BRD7: variants seen among roughly 807,000 people sequenced by gnomAD.
The protein encoded by BRD7 is bromodomain-containing protein 7.
A neutral mutation model predicts 82.1 loss-of-function variants in BRD7; 15 were observed. The observed-to-expected ratio is 0.18, with a 90% CI of 0.12 to 0.28. The LOEUF (loss-of-function observed/expected upper bound fraction) is 0.28. Ranked by LOEUF, BRD7 falls within the 10% of genes least tolerant of loss-of-function variation. The probability of loss-of-function intolerance (pLI) is 1.00; values close to 1 mark genes in which losing one functional copy is unlikely to be tolerated. For synonymous variants in BRD7, 232 were observed against 266.9 expected (o/e 0.87, Z 1.27); for missense variants, 638 against 779.9 (o/e 0.82, Z 2.17).
rs1341343168 is a variant in BRD7 at position 50,330,336 on chromosome 16, ACTTTT to A, written c.1012-1597_1012-1593del. ...AAACAAGTTAAGTTGAAAAGAGGAC[ACTTTT>A]TTTTTTTTTTTTTTTTTGAGACAGA... is the stretch of plus-strand genomic sequence containing the variant. On this transcript the variant is annotated intron_variant, in intron 8 of 16. Coordinates refer to ENST00000394688, the MANE Select transcript of BRD7 (RefSeq NM_013263.5). Among the ~76,000 whole-genome samples, 91 of 139,758 alleles carry A rather than the reference ACTTTT, an allele frequency of 6.5e-4. 3 individuals carry two copies. The highest frequency in any genetic ancestry group is 9.3e-4 in the Admixed American group (13 of 14,004). 91.7% of individuals were successfully genotyped at this position (139,758 alleles called of 152,430 possible).
intron 2 of BRD7, among the ~76,000 whole-genome samples, chr16:50,364,879 GT>G (rs950079831): frequency 2.6e-5 from 4 of 152,204 alleles, no homozygotes; most frequent in Non-Finnish European, 5.9e-5. Context: ...GATTATGGTG[GT>G]AACTGCCAGA....
intron 5 of BRD7, among the ~76,000 whole-genome samples, chr16:50,342,548 G>A (rs902493147): frequency 2.1e-5 from 3 of 141,476 alleles, no homozygotes; most frequent in African/African-American, 5.2e-5. Context: ...AGCCTCCCGA[G>A]TAGCTGGGAC....
chr16:50,355,319 G>T (rs567345634), intron 2 of BRD7, among the ~76,000 whole-genome samples: 6 of 152,114 alleles, frequency 3.9e-5, no homozygotes, highest in Non-Finnish European at 7.4e-5. Flanking sequence ...CAATACATTC[G>T]ATGTAATGCC....
intron 5 of BRD7, among the ~76,000 whole-genome samples, chr16:50,348,580 C>T (rs113306885): frequency 3.0e-4 from 46 of 152,254 alleles, no homozygotes; most frequent in African/African-American, 7.5e-4. Context: ...AATCAAACAA[C>T]CCCATCAAAA....
At chr16:50,357,980 AAAAACAAAACAAATC>A (rs1211169414) in intron 2 of BRD7, among the ~76,000 whole-genome samples, 2 of 152,140 alleles carry the variant, frequency 1.3e-5, no homozygotes, top group Non-Finnish European at 2.9e-5. Context: ...ACTCTGTCTC[AAAAACAAAACAAATC>A]AAAACAAAAC....
intron 5 of BRD7, among the ~76,000 whole-genome samples, chr16:50,348,099 T>C (rs2038364086): frequency 6.6e-6 from 1 of 152,038 alleles, no homozygotes; most frequent in Non-Finnish European, 1.5e-5. Flanking sequence ...CACTCAGAAA[T>C]AATAACACAC....
chr16:50,335,240 CAG>C (rs2037749367), intron 6 of BRD7, among the ~76,000 whole-genome samples: 1 of 152,192 alleles, frequency 6.6e-6, no homozygotes, highest in South Asian at 2.1e-4. Context: ...TTGTGTTTAA[CAG>C]ACAGGCTTAT....
rs2036844239 is a variant in BRD7 at position 50,317,255 on chromosome 16, T to C, written c.*1956A>G. The C allele has an allele frequency of 6.5e-6, 1 of 152,774 alleles. No individual in the cohort carries two copies. 9.5% of individuals were successfully genotyped at this position (152,774 alleles called of 1,614,324 possible). Reference sequence around the variant, plus strand: ...GTATAAAGGAATTTCATGGCAACAATGCTGGTAAGGGCAATTAGCCTCGCT... The same window carrying C: ...GTATAAAGGAATTTCATGGCAACAACGCTGGTAAGGGCAATTAGCCTCGCT... On this transcript the variant is annotated 3_prime_UTR_variant, in exon 17 of 17. Coordinates refer to ENST00000394688, the MANE Select transcript of BRD7 (RefSeq NM_013263.5).
intron 12 of BRD7, among the ~76,000 whole-genome samples, chr16:50,322,528 A>T (rs1217513596): frequency 6.6e-6 from 1 of 152,218 alleles, no homozygotes; most frequent in Non-Finnish European, 1.5e-5. Flanking sequence ...CATGGACATC[A>T]ATCAATGATG....
rs746798706 is a variant in BRD7, at chr16:50,326,347, G to A, written c.1132C>T (p.Leu378Phe). 3.1e-6 allele frequency: 5 copies of A among 1,602,364 alleles called. No homozygotes were observed. The East Asian group carries it at 1.1e-4, about 36-fold the overall frequency. Residue 378 changes from leucine to phenylalanine, a missense_variant, in exon 10 of 17, where the codon CTT becomes TTT. Physicochemically the swap from Leu to Phe is conservative, Grantham distance 22. Around this residue, in one of 3 missense-constraint regions of BRD7, gnomAD observed 402 missense variants for 500.8 expected, o/e 0.80. Coordinates refer to ENST00000394688, the MANE Select transcript of BRD7 (RefSeq NM_013263.5). The part of the protein sequence containing the change: ...PVRLGMTTGR[L>F]QSGVNTLQGF... ...TGCAAAGTATTCACTCCAGACTGAAGTCTTCCAGTTGTCATTCCCAGTCTC... is the reference window on the plus strand; with the variant it reads ...TGCAAAGTATTCACTCCAGACTGAAATCTTCCAGTTGTCATTCCCAGTCTC...
At position 50,325,966 on chromosome 16, in the gene BRD7, TCTC is replaced by T. The variant is rs1407916754; in HGVS notation, c.1196-86_1196-84del. The T allele has an allele frequency of 1.4e-5, 19 of 1,357,876 alleles. No individual in the cohort carries two copies. The African/African-American group carries it at 1.8e-4, about 13-fold the overall frequency. 84.1% of individuals were successfully genotyped at this position (1,357,876 alleles called of 1,614,324 possible). A position where few individuals can be genotyped will look rare whatever the true frequency, so the allele number is the denominator to read the frequency against. On this transcript the variant is annotated intron_variant, in intron 10 of 16. Transcript: ENST00000394688. The stretch of plus-strand genomic sequence containing the variant: ...TGTTTTACCAAAAGATTATTTATTC[TCTC>T]CTAACTTTACTACTTCATTGGCTGG...
Position 50,368,093 on chromosome 16 carries a change from A to T in BRD7, c.255T>A (p.Val85=). ...AAAGCAATGTAACCACTTGTACCTT[A>T]ACTCTTCTCCGTTTTCTCCCCTTTT... is the stretch of plus-strand genomic sequence containing the variant. ...GEEKGRKRRR[V]KEDKKKRDRD... Residue 85 remains valine (V), a synonymous_variant, in exon 2 of 17, where the codon GTT becomes GTA. Transcript: ENST00000394688. 1 of 1,613,916 alleles carries T rather than the reference A, an allele frequency of 6.2e-7. No individual in the cohort carries two copies. Among genetic ancestry groups the T allele is most frequent in the Non-Finnish European group, 8.5e-7 (1 of 1,179,828 alleles).
rs143838650 is a variant in BRD7 at position 50,339,349 on chromosome 16, G to T, written c.702+627C>A. ...TGAGTACACTCACACAAACCTAGAT[G>T]GTATAGCCTATCAGACACCTGGCTA... On this transcript the variant is annotated intron_variant, in intron 6 of 16. Coordinates refer to ENST00000394688, the MANE Select transcript of BRD7 (RefSeq NM_013263.5). Among the ~76,000 whole-genome samples, 415 of 152,268 alleles carry T rather than the reference G, an allele frequency of 2.7e-3. 1 individual carries two copies. The highest frequency in any genetic ancestry group is 9.6e-3 in the African/African-American group (399 of 41,546).
chr16:50,349,391 A>T (rs1029456324), intron 5 of BRD7: 10 of 179,298 alleles, frequency 5.6e-5, no homozygotes, highest in East Asian at 1.6e-4. Context: ...AACTTAAATT[A>T]AAAAAAAAAA....
At position 50,368,836 on chromosome 16, in the gene BRD7, G is replaced by T; in HGVS notation, c.-62C>A. On this transcript the variant is annotated 5_prime_UTR_variant, in exon 1 of 17. Coordinates refer to ENST00000394688, the MANE Select transcript of BRD7 (RefSeq NM_013263.5). Reference sequence around the variant, plus strand: ...GCCCAGGCCGTGCGGCGCCGCTTCCGGTCCGGGCCAGGCGAGCGGAGGGCG... The same window carrying T: ...GCCCAGGCCGTGCGGCGCCGCTTCCTGTCCGGGCCAGGCGAGCGGAGGGCG... 7.7e-7 allele frequency: 1 copy of T among 1,295,480 alleles called. No homozygotes were observed. Among genetic ancestry groups the T allele is most frequent in the Admixed American group, 3.6e-5 (1 of 27,690 alleles). The allele number at this position is 1,295,480 out of a possible 1,614,324, so 80.2% of individuals were successfully genotyped here.
intron 5 of BRD7, among the ~76,000 whole-genome samples, chr16:50,345,638 A>G (rs964034589): frequency 4.6e-5 from 7 of 152,128 alleles, no homozygotes; most frequent in African/African-American, 1.7e-4. Context: ...GATAAAACAG[A>G]CTTTAAACCA....
intron 2 of BRD7, among the ~76,000 whole-genome samples, chr16:50,356,038 G>A (rs2038718325): frequency 6.6e-6 from 1 of 152,188 alleles, no homozygotes; most frequent in South Asian, 2.1e-4. Flanking sequence ...AATAAGAAAT[G>A]TGAAATGTTG....
chr16:50,339,901 A>G, intron 6 of BRD7, 75 bp downstream of exon 6: 1 of 772,514 alleles, frequency 1.3e-6, no homozygotes. Context: ...ACTGTATTGT[A>G]TCTGTATTAC....
rs571015013 is a variant in BRD7 at position 50,325,781 on chromosome 16, T to A, written c.1298A>T (p.Tyr433Phe). The change falls in exon 11 of 17, where the codon TAT becomes TTT. Residue 433 changes from tyrosine (Y) to phenylalanine (F), a missense_variant. Tyr to Phe is a conservative substitution (Grantham distance 22). Coordinates refer to ENST00000394688, the MANE Select transcript of BRD7 (RefSeq NM_013263.5). ...ACTTGGAAGATCAGAGTCTTCCCCA[T>A]AGGTTGAATAGATTAAATCAGAATC... ...KDDSDLIYST[Y>F]GEDSDLPSDF... 1.2e-6 allele frequency: 2 copies of A among 1,608,024 alleles called. No homozygotes were observed. Among genetic ancestry groups the A allele is most frequent in the East Asian group, 4.5e-5 (2 of 44,742 alleles).
Sources: gnomAD v4.1 joint callset for allele counts (sites outside exome capture counted in the v4.1 genomes callset) on GRCh38, gnomAD v4.1.1 for gene constraint, gnomAD v4.1.1 regional missense constraint, MANE v1.5 for transcripts, NCBI Gene and HGNC (gene_info 2026-07-23, HGNC 2026-07-21) for gene names.